The following CUBN variants were observed in gnomAD, a reference collection of about 807,000 sequenced individuals.
CUBN encodes cubilin.
In CUBN, 282 loss-of-function variants were observed where a neutral mutation model predicts 405.3. That is an observed-to-expected ratio of 0.70 (90% CI 0.63 to 0.77). The LOEUF is 0.77. Among genes scored for constraint, CUBN ranks in the 30% least tolerant of loss-of-function variants. The pLI, the probability that CUBN is intolerant of heterozygous loss-of-function variation, is 0.00. For synonymous variants in CUBN, 1,684 were observed against 1,617.0 expected, an observed-to-expected ratio of 1.04 and a Z score of -0.99; for missense variants, 4,514 against 4,475.2, an observed-to-expected ratio of 1.01 and a Z score of -0.25.
chr10:17,003,441 T>A (rs955389381), intron 28 of CUBN, among the ~76,000 whole-genome samples: 5 of 152,194 alleles, frequency 3.3e-5, no homozygotes, highest in African/African-American at 9.7e-5. Context: ...GCCAACATCA[T>A]ACTTCCAGAT....
chr10:16,842,087 C>G (rs908164197), intron 60 of CUBN, among the ~76,000 whole-genome samples: 4 of 151,318 alleles, frequency 2.6e-5, no homozygotes, highest in African/African-American at 9.7e-5. Context: ...CGCTGTTGCC[C>G]AGGCTGGAGT....
At chr10:16,981,618 C>G (rs1512701) in intron 31 of CUBN, among the ~76,000 whole-genome samples, 84,827 of 151,946 alleles carry the variant, frequency 0.56, 24,779 homozygotes, top group Middle Eastern at 0.67. Flanking sequence ...AGCATTGTAA[C>G]AAGCTTGGAC....
intron 28 of CUBN, among the ~76,000 whole-genome samples, chr10:16,999,612 T>C (rs45547336): frequency 0.016 from 2,469 of 152,338 alleles, 29 homozygotes; most frequent in Non-Finnish European, 0.024. Context: ...CTAAGATAAC[T>C]GTACTAACCT....
Position 16,874,432 on chromosome 10 carries a change from T to G in CUBN, c.9178A>C (p.Asn3060His). 2 of 1,614,104 alleles carry G rather than the reference T, an allele frequency of 1.2e-6. No homozygotes were observed. The highest frequency in any genetic ancestry group is 1.7e-6 in the Non-Finnish European group (2 of 1,179,946). ...SPAYSYADYP[N>H]DMHCLYTITV... ...ATGGTATACAGACAGTGCATATCAT[T>G]TGGGTAGTCTGCGTATGAATAGGCA... The change falls in exon 58 of 67, where the codon AAT becomes CAT. Residue 3060 changes from asparagine (N) to histidine (H), a missense_variant. By Grantham distance (68) the Asn-to-His change is moderately conservative. This residue lies in a region of CUBN where 1,186 missense variants were observed against 1,186.9 expected (regional missense o/e 1.00). Transcript: ENST00000377833.
At chr10:17,024,292 C>A (rs1425108555) in intron 27 of CUBN, among the ~76,000 whole-genome samples, 1 of 152,066 alleles carries the variant, frequency 6.6e-6, no homozygotes, top group African/African-American at 2.4e-5. Context: ...AAGTCAAGTT[C>A]TAAGTGAGCA....
chr10:17,092,876 T>G (rs1836295884), intron 14 of CUBN, among the ~76,000 whole-genome samples: 1 of 152,222 alleles, frequency 6.6e-6, no homozygotes, highest in Non-Finnish European at 1.5e-5. Context: ...CTTTTATTTC[T>G]TTACTGTCTT....
At chr10:16,943,390 C>T (rs1325859039) in intron 36 of CUBN, among the ~76,000 whole-genome samples, 1 of 152,192 alleles carries the variant, frequency 6.6e-6, no homozygotes, top group Non-Finnish European at 1.5e-5. Flanking sequence ...ATATTTGTCT[C>T]CTTTGACAAT....
rs560009723 is a variant in CUBN, at chr10:16,933,229, C to T, written c.5982G>A (p.Pro1994=). 55 of 1,613,926 alleles carry T rather than the reference C, an allele frequency of 3.4e-5. No individual in the cohort carries two copies. Among genetic ancestry groups the T allele is most frequent in the East Asian group, 3.3e-4 (15 of 44,866 alleles). The change falls in exon 40 of 67, where the codon CCG becomes CCA. Residue 1994 remains proline (P), a synonymous_variant. Coordinates refer to ENST00000377833, the MANE Select transcript of CUBN (RefSeq NM_001081.4). ...TATTACTGTAACTGTCAGGCCAGCC[C>T]GGGGAGAAGAGAAACACGGGTGCAT... ...TGDAPVFLFS[P]GWPDSYSNRV...
At chr10:16,934,036 G>A (rs1842430812) in intron 39 of CUBN, among the ~76,000 whole-genome samples, 1 of 152,164 alleles carries the variant, frequency 6.6e-6, no homozygotes, top group African/African-American at 2.4e-5. Context: ...TGGCAATGCT[G>A]AGGAGATGCG....
chr10:16,925,476 A>C, intron 42 of CUBN, 52 bp from the exon 43 acceptor site: 6 of 1,604,706 alleles, frequency 3.7e-6, no homozygotes, highest in Non-Finnish European at 5.1e-6. Context: ...CAAAAGAAGG[A>C]GTACGCAATT....
Position 17,068,605 on chromosome 10 carries a change from C to G in CUBN, c.2791G>C (p.Ala931Pro), listed in dbSNP as rs1042319182. The G allele has an allele frequency of 1.9e-6, 3 of 1,610,834 alleles. No homozygotes were observed. Among genetic ancestry groups the G allele is most frequent in the Non-Finnish European group, 1.7e-6 (2 of 1,177,998 alleles). The change falls in exon 20 of 67, where the codon GCA becomes CCA. Residue 931 changes from alanine to proline, a missense_variant and splice_region_variant. Ala to Pro is a conservative substitution (Grantham distance 27). This residue lies in a region of CUBN where 1,448 missense variants were observed against 1,388.0 expected (regional missense o/e 1.04). Coordinates refer to ENST00000377833, the MANE Select transcript of CUBN (RefSeq NM_001081.4). ...AAAAAAAAAGGGAACAGTCTCTTAC[C>G]CAAATCCTCAGCACTGAACTTAGCC... is the stretch of plus-strand genomic sequence containing the variant. Reference protein sequence around the residue: ...FMAKFSAEDLACGEILTESTG... With the variant: ...FMAKFSAEDLPCGEILTESTG...
intron 27 of CUBN, among the ~76,000 whole-genome samples, chr10:17,034,612 C>G (rs1834856052): frequency 6.6e-6 from 1 of 152,018 alleles, no homozygotes; most frequent in South Asian, 2.1e-4. Flanking sequence ...GGGATGAGGA[C>G]TAGGAATAAA....
chr10:17,055,244 G>A (rs1835364624), intron 22 of CUBN, among the ~76,000 whole-genome samples: 1 of 152,072 alleles, frequency 6.6e-6, no homozygotes, highest in South Asian at 2.1e-4. Context: ...AACTCAGCAA[G>A]TATGCCCAGA....
intron 31 of CUBN, among the ~76,000 whole-genome samples, chr10:16,961,136 G>C (rs946903280): frequency 6.6e-6 from 1 of 152,118 alleles, no homozygotes; most frequent in Admixed American, 6.6e-5. Context: ...ATACAGTGGT[G>C]TGACAGCTCA....
At chr10:17,117,051 C>T (rs1420747008) in intron 6 of CUBN, among the ~76,000 whole-genome samples, 6 of 152,000 alleles carry the variant, frequency 3.9e-5, no homozygotes, top group African/African-American at 4.8e-5. Flanking sequence ...GCCTTTGGAA[C>T]GGCTCACTAA....
In CUBN at chr10:16,953,832, CAGAG is replaced by C. The variant is rs968358107; in HGVS notation, c.4855+553_4855+556del. ...CACCACTGCACTCCAGCCTGGGTGA[CAGAG>C]AGAGACCCTGTGGAAAGAAAGGGAA... On this transcript the variant is annotated intron_variant, in intron 32 of 66. Transcript: ENST00000377833. 9.6e-5 allele frequency among the ~76,000 whole-genome samples: 14 copies of C among 145,392 alleles called. No homozygotes were observed. In the East Asian group the frequency reaches 2.7e-3, roughly 28 times the overall value.
rs779356801 is a variant in CUBN at position 16,980,226 on chromosome 10, G to A, written c.4695+2258C>T. Among the ~76,000 whole-genome samples, 9 of 152,282 alleles carry A rather than the reference G, an allele frequency of 5.9e-5. No homozygotes were observed. In the South Asian group the frequency reaches 6.2e-4, roughly 11 times the overall value. ...GGCAAGGATGTGGAGAAATAGGAAC[G>A]TTTTTACTCGTTGGTGGGAGTGTAA... On this transcript the variant is annotated intron_variant, in intron 31 of 66. Coordinates refer to ENST00000377833, the MANE Select transcript of CUBN (RefSeq NM_001081.4).
In CUBN at chr10:16,888,443, A is replaced by T; in HGVS notation, c.8879T>A (p.Leu2960Ter). Residue 2960 changes from leucine (L) to a stop codon, truncating the protein, a stop_gained, in exon 56 of 67, where the codon TTG (leucine) becomes TAG (stop). Transcript: ENST00000377833. LOFTEE classifies it high-confidence loss of function. ...TTCTAAGTGGAAGGACACAAAAGTCAAGAGGACCACTGACAGAGGATTAGC... is the reference window on the plus strand; with the variant it reads ...TTCTAAGTGGAAGGACACAAAAGTCTAGAGGACCACTGACAGAGGATTAGC... ...IEANPLSVVLLTFVSFHLEAR... is the reference protein window; with the variant it reads ...IEANPLSVVL 1.2e-6 allele frequency: 2 copies of T among 1,613,636 alleles called. No homozygotes were observed. Among genetic ancestry groups the T allele is most frequent in the Non-Finnish European group, 1.7e-6 (2 of 1,179,600 alleles).
In CUBN at chr10:16,829,055, G is replaced by A. The variant is rs1374216237; in HGVS notation, c.10529-15C>T. On this transcript the variant is annotated splice_polypyrimidine_tract_variant and intron_variant, in intron 65 of 66. Transcript: ENST00000377833. ...TCCACCACATCCTGCAAGGAAAACA[G>A]GACAGGAAGTTTGATTCAACAGCAT... The A allele has an allele frequency of 6.2e-7, 1 of 1,603,272 alleles. No homozygotes were observed. Among genetic ancestry groups the A allele is most frequent in the Non-Finnish European group, 8.5e-7 (1 of 1,171,382 alleles).
Sources: allele counts gnomAD v4.1 joint callset (sites outside exome capture counted in the v4.1 genomes callset), GRCh38; gene constraint gnomAD v4.1.1; regional missense constraint gnomAD v4.1.1; transcripts MANE v1.5; gene names NCBI Gene and HGNC (gene_info 2026-07-23, HGNC 2026-07-21).